The following RPH3A variants were observed in gnomAD, a reference collection of about 807,000 sequenced individuals.
The protein encoded by RPH3A is rabphilin-3A.
RPH3A carries 48 observed loss-of-function variants against 102.2 expected under a neutral mutation model. That is an observed-to-expected ratio of 0.47 (90% CI 0.37 to 0.60). The LOEUF is 0.60. Ranked by LOEUF, RPH3A falls within the 20% of genes least tolerant of loss-of-function variation. The pLI, the probability that RPH3A is intolerant of heterozygous loss-of-function variation, is 0.00. For missense variants in RPH3A, 781 were observed against 910.1 expected, an observed-to-expected ratio of 0.86 and a Z score of 1.83; for synonymous variants, 310 against 324.3, an observed-to-expected ratio of 0.96 and a Z score of 0.47.
At chr12:112,712,879 T>TTTTC (rs2040472924) in intron 1 of RPH3A, among the ~76,000 whole-genome samples, 1 of 136,746 alleles carries the variant, frequency 7.3e-6, no homozygotes, top group African/African-American at 3.2e-5. Flanking sequence ...CTCACTTTTT[T>TTTTC]TTCTTCTTCT....
chr12:112,894,156 G>T (rs1474208786), intron 19 of RPH3A: 2 of 202,570 alleles, frequency 9.9e-6, no homozygotes, highest in African/African-American at 2.4e-5. Flanking sequence ...TAGGGATTGG[G>T]GGCAGCCTAA....
At chr12:112,687,007 A>G (rs891789438) in intron 1 of RPH3A, among the ~76,000 whole-genome samples, 4 of 152,152 alleles carry the variant, frequency 2.6e-5, no homozygotes, top group Admixed American at 6.5e-5. Context: ...CCCAGCTACT[A>G]GGGAGGCTGA....
At chr12:112,868,649 G>A (rs2042653837) in intron 8 of RPH3A, 54 bp downstream of exon 8, 1 of 1,567,284 alleles carries the variant, frequency 6.4e-7, no homozygotes, top group Non-Finnish European at 8.7e-7. Context: ...TAGCCAACTG[G>A]TCTACCTGAG....
intron 1 of RPH3A, among the ~76,000 whole-genome samples, chr12:112,654,038 A>C (rs2039994102): frequency 6.6e-6 from 1 of 152,142 alleles, no homozygotes; most frequent in Non-Finnish European, 1.5e-5. Flanking sequence ...CAACTTTTCC[A>C]CTGGAAGATC....
chr12:112,599,986 T>G (rs1214952129), intron 1 of RPH3A, among the ~76,000 whole-genome samples: 1 of 152,024 alleles, frequency 6.6e-6, no homozygotes, highest in Admixed American at 6.6e-5. Flanking sequence ...GCCTCCGGAG[T>G]TGCTGTGAGG....
At chr12:112,676,725 C>T (rs2040177548) in intron 1 of RPH3A, among the ~76,000 whole-genome samples, 1 of 152,222 alleles carries the variant, frequency 6.6e-6, no homozygotes, top group South Asian at 2.1e-4. Context: ...AATGCCAGGC[C>T]CGTCTCCCTC....
At chr12:112,713,463 A>G (rs972410322) in intron 1 of RPH3A, among the ~76,000 whole-genome samples, 2 of 151,916 alleles carry the variant, frequency 1.3e-5, no homozygotes, top group African/African-American at 4.8e-5. Context: ...AAGAGAGCAT[A>G]TTTCTTTTTT....
intron 1 of RPH3A, among the ~76,000 whole-genome samples, chr12:112,578,161 G>A (rs192866229): frequency 3.9e-4 from 59 of 152,166 alleles, no homozygotes; most frequent in Non-Finnish European, 2.5e-4. Flanking sequence ...GGTGTCAAGC[G>A]GCTAAGAAAA....
chr12:112,650,460 C>G (rs1473006511), intron 1 of RPH3A, among the ~76,000 whole-genome samples: 1 of 152,130 alleles, frequency 6.6e-6, no homozygotes, highest in African/African-American at 2.4e-5. Context: ...ACTAAGGCTT[C>G]CTTATCAGAT....
chr12:112,795,788 A>T (rs2041216420), intron 2 of RPH3A, among the ~76,000 whole-genome samples: 1 of 152,200 alleles, frequency 6.6e-6, no homozygotes, highest in South Asian at 2.1e-4. Context: ...CATCTACAAA[A>T]TGGGAATAAG....
intron 5 of RPH3A, among the ~76,000 whole-genome samples, chr12:112,851,648 T>G (rs1263680631): frequency 6.6e-6 from 1 of 152,110 alleles, no homozygotes; most frequent in Non-Finnish European, 1.5e-5. Flanking sequence ...CCAGAGCAGC[T>G]TCATTCCATG....
intron 1 of RPH3A, among the ~76,000 whole-genome samples, chr12:112,725,551 C>T (rs1045904800): frequency 7.2e-5 from 11 of 152,052 alleles, no homozygotes; most frequent in Admixed American, 1.3e-4. Flanking sequence ...AACATCTCCT[C>T]GATTAGCCGC....
chr12:112,584,487 G>A (rs2039423926), intron 1 of RPH3A, among the ~76,000 whole-genome samples: 1 of 152,138 alleles, frequency 6.6e-6, no homozygotes, highest in South Asian at 2.1e-4. Flanking sequence ...AGGGTCACAT[G>A]GTCTACTTCT....
intron 1 of RPH3A, among the ~76,000 whole-genome samples, chr12:112,577,427 C>T (rs2039367661): frequency 1.3e-5 from 2 of 152,158 alleles, no homozygotes; most frequent in African/African-American, 4.8e-5. Flanking sequence ...CATGGTAATG[C>T]ATTGTAATTA....
At chr12:112,852,988 G>A (rs568865630) in intron 5 of RPH3A, among the ~76,000 whole-genome samples, 2 of 152,294 alleles carry the variant, frequency 1.3e-5, no homozygotes, top group African/African-American at 4.8e-5. Flanking sequence ...AAGTAATTAG[G>A]ATTTGTCATT....
intron 1 of RPH3A, among the ~76,000 whole-genome samples, chr12:112,695,884 G>A (rs1280735366): frequency 6.6e-6 from 1 of 151,428 alleles, no homozygotes; most frequent in East Asian, 2.0e-4. Context: ...GGTGGTTTTT[G>A]GTTACATGGA....
chr12:112,774,694 CAT>C (rs778825283), intron 1 of RPH3A, among the ~76,000 whole-genome samples: 10 of 151,990 alleles, frequency 6.6e-5, no homozygotes, highest in Non-Finnish European at 1.2e-4. Flanking sequence ...CCAAACACCA[CAT>C]GTTCTCACTT....
chr12:112,790,024 G>A (rs950016520), upstream of RPH3A, among the ~76,000 whole-genome samples: 8 of 151,952 alleles, frequency 5.3e-5, no homozygotes, highest in East Asian at 1.9e-4. Context: ...GCACCACTGC[G>A]CTCCAGCTTG....
At chr12:112,603,146 C>A (rs750017324) in intron 1 of RPH3A, among the ~76,000 whole-genome samples, 1 of 152,116 alleles carries the variant, frequency 6.6e-6, no homozygotes, top group African/African-American at 2.4e-5. Context: ...CTCCTTTCCC[C>A]CAGGTGTAGG....
Sources: allele counts gnomAD v4.1 joint callset (sites outside exome capture counted in the v4.1 genomes callset), GRCh38; gene constraint gnomAD v4.1.1; transcripts MANE v1.5; gene names NCBI Gene and HGNC (gene_info 2026-07-23, HGNC 2026-07-21).